The following NPHP4 variants were observed in gnomAD, a reference collection of about 807,000 sequenced individuals.
The protein encoded by NPHP4 is nephrocystin 4.
NPHP4 carries 151 observed loss-of-function variants against 155.8 expected under a neutral mutation model. The ratio of observed to expected loss-of-function variants is 0.97; its 90% CI spans 0.85 to 1.11. NPHP4 has a LOEUF of 1.11. Ranked by LOEUF, NPHP4 falls within the 50% of genes least tolerant of loss-of-function variation. The pLI is 0.00. For synonymous variants in NPHP4, 845 were observed against 816.8 expected, an observed-to-expected ratio of 1.03 and a Z score of -0.59; for missense variants, 1,956 against 1,925.7, an observed-to-expected ratio of 1.02 and a Z score of -0.29.
chr1:5,874,641 G>A lies in NPHP4; in HGVS notation c.3061C>T (p.Gln1021Ter). 6.2e-7 allele frequency: 1 copy of A among 1,611,864 alleles called. No individual in the cohort carries two copies. The highest frequency in any genetic ancestry group is 8.5e-7 in the Non-Finnish European group (1 of 1,179,540). Reference protein sequence around the residue: ...NPELSVIVDSQEWRDFKGAAG... With the variant: ...NPELSVIVDS ...GCACCCTTGAAGTCCCTCCACTCCT[G>A]ACTGTCCACGATGACGCTGGGGGAG... Residue 1021 changes from glutamine to a stop codon, truncating the protein, a stop_gained, in exon 22 of 30, where the codon CAG becomes TAG. Transcript: ENST00000378156. LOFTEE classifies it high-confidence loss of function.
chr1:5,971,173 C>T (rs900619023), intron 3 of NPHP4, among the ~76,000 whole-genome samples: 7 of 152,220 alleles, frequency 4.6e-5, no homozygotes, highest in African/African-American at 1.7e-4. Context: ...TGGAACCTGC[C>T]GCTACGGGCA....
At chr1:5,876,482 C>T (rs1642620866) in intron 20 of NPHP4, 1 of 152,356 alleles carries the variant, frequency 6.6e-6, no homozygotes, top group South Asian at 2.1e-4. Context: ...AGCACCAACG[C>T]CTTGCTGGCA....
rs1641390457 is a variant in NPHP4 at position 5,867,699 on chromosome 1, A to T, written c.3472+41T>A. The T allele has an allele frequency of 6.3e-7, 1 of 1,598,482 alleles. No individual in the cohort carries two copies. Among genetic ancestry groups the T allele is most frequent in the African/African-American group, 1.3e-5 (1 of 74,810 alleles). On this transcript the variant is annotated intron_variant, in intron 24 of 29. Coordinates refer to ENST00000378156, the MANE Select transcript of NPHP4 (RefSeq NM_015102.5). The surrounding 1 kb of genome is among the most constrained non-coding windows in gnomAD (Gnocchi z 4.1). ...AAGAGGTATCTACTTCCAACAGGTG[A>T]GCCTGCAACATGTGGGCTGCAGGGT... is the stretch of plus-strand genomic sequence containing the variant.
intron 16 of NPHP4, among the ~76,000 whole-genome samples, chr1:5,897,937 T>C (rs1448380495): frequency 1.3e-5 from 2 of 152,236 alleles, no homozygotes; most frequent in Non-Finnish European, 2.9e-5. Flanking sequence ...TTCCAAAACA[T>C]GGCACGGTTT....
intron 3 of NPHP4, among the ~76,000 whole-genome samples, chr1:5,976,453 G>A (rs942704294): frequency 6.6e-6 from 1 of 152,186 alleles, no homozygotes. Flanking sequence ...AAGCTAAACA[G>A]CTCTATCCCC....
chr1:5,909,783 A>G (rs1330890389), intron 11 of NPHP4, among the ~76,000 whole-genome samples: 1 of 152,132 alleles, frequency 6.6e-6, no homozygotes, highest in East Asian at 1.9e-4. Context: ...GTCCCCCTGG[A>G]GCCAGGGACT....
rs775418939 is a variant in NPHP4 at position 5,864,417 on chromosome 1, T to C, written c.3917A>G (p.Asn1306Ser). 3.7e-6 allele frequency: 6 copies of C among 1,611,674 alleles called. No homozygotes were observed. Among genetic ancestry groups the C allele is most frequent in the Non-Finnish European group, 5.1e-6 (6 of 1,179,202 alleles). ...LRAGSRFVHLNLVDVDCHQLV... is the reference protein window; with the variant it reads ...LRAGSRFVHLSLVDVDCHQLV... ...CTGGTGGCAATCCACGTCCACCAGG[T>C]TGAGATGGACAAAGCGGCTGCCGGC... The change falls in exon 28 of 30, where the codon AAC (asparagine) becomes AGC (serine). Residue 1306 changes from asparagine (N) to serine (S), a missense_variant. Asn to Ser is a conservative substitution (Grantham distance 46). Transcript: ENST00000378156.
At chr1:5,868,701 C>T (rs553971252) in intron 23 of NPHP4, among the ~76,000 whole-genome samples, 10 of 144,130 alleles carry the variant, frequency 6.9e-5, no homozygotes, top group Non-Finnish European at 9.3e-5. Context: ...TATACATGCA[C>T]GCATGCCCCA....
At position 5,968,488 on chromosome 1, in the gene NPHP4, G is replaced by A. The variant is rs1468362047; in HGVS notation, c.452+599C>T. The stretch of plus-strand genomic sequence containing the variant: ...ATGGTGGCACAGACCTGTAATCCCA[G>A]CTACGTGGGAGGATGACACACAGGA... On this transcript the variant is annotated intron_variant, in intron 4 of 29. Transcript: ENST00000378156. Among the ~76,000 whole-genome samples the A allele has an allele frequency of 2.6e-5, 4 of 152,078 alleles. No homozygotes were observed. In the East Asian group the frequency reaches 7.8e-4, roughly 30 times the overall value.
At chr1:5,972,085 G>A (rs991420741) in intron 3 of NPHP4, among the ~76,000 whole-genome samples, 4 of 152,282 alleles carry the variant, frequency 2.6e-5, no homozygotes, top group African/African-American at 9.6e-5. Flanking sequence ...AGAGGCCGCA[G>A]CCGGGCACCC....
chr1:5,981,373 T>C (rs1654665160), intron 2 of NPHP4, among the ~76,000 whole-genome samples: 2 of 152,336 alleles, frequency 1.3e-5, no homozygotes, highest in South Asian at 4.1e-4. Context: ...CTCTGTGTCA[T>C]CTGCACGGTT....
intron 9 of NPHP4, among the ~76,000 whole-genome samples, chr1:5,946,838 G>A (rs1167329939): frequency 6.6e-6 from 1 of 152,264 alleles, no homozygotes; most frequent in Non-Finnish European, 1.5e-5. Flanking sequence ...CTGGACAGCT[G>A]AACCCATGGA....
In NPHP4 at chr1:5,904,505, T is replaced by C. The variant is rs1644819849; in HGVS notation, c.2143+112A>G. The C allele has an allele frequency of 1.3e-5, 10 of 787,554 alleles. No individual in the cohort carries two copies. The South Asian group carries it at 1.6e-4, about 13-fold the overall frequency. 48.8% of individuals were successfully genotyped at this position (787,554 alleles called of 1,614,324 possible). On this transcript the variant is annotated intron_variant, in intron 16 of 29. Coordinates refer to ENST00000378156, the MANE Select transcript of NPHP4 (RefSeq NM_015102.5). ...TGCACTGGTCACCGTATGATTCTAA[T>C]GTTGCATATGTTTTAAACTTTTCAT...
intron 18 of NPHP4, among the ~76,000 whole-genome samples, chr1:5,884,854 G>A (rs1375587107): frequency 2.1e-5 from 3 of 143,266 alleles, no homozygotes; most frequent in Non-Finnish European, 4.5e-5. Context: ...CACTGCCCAA[G>A]CTCCCAGCCG....
intron 10 of NPHP4, among the ~76,000 whole-genome samples, chr1:5,931,616 C>A (rs1646277178): frequency 6.6e-6 from 1 of 151,422 alleles, no homozygotes; most frequent in Non-Finnish European, 1.5e-5. Flanking sequence ...CACCTATAAT[C>A]CCAGCTACTT....
intron 17 of NPHP4, among the ~76,000 whole-genome samples, chr1:5,887,757 T>C (rs1424759714): frequency 6.6e-6 from 1 of 152,144 alleles, no homozygotes; most frequent in African/African-American, 2.4e-5. Flanking sequence ...AAGGCATAAG[T>C]GGGTCTGGCA....
intron 7 of NPHP4, among the ~76,000 whole-genome samples, chr1:5,950,737 G>A (rs895863455): frequency 2.0e-5 from 3 of 152,120 alleles, no homozygotes; most frequent in Non-Finnish European, 2.9e-5. Context: ...AGCCCCCAGC[G>A]GACCAGCCAA....
At chr1:5,938,662 T>C (rs1014733384) in intron 9 of NPHP4, among the ~76,000 whole-genome samples, 27 of 152,248 alleles carry the variant, frequency 1.8e-4, no homozygotes, top group African/African-American at 5.5e-4. Context: ...CCTTTTCCCA[T>C]TTAGAAAAAC....
intron 11 of NPHP4, among the ~76,000 whole-genome samples, chr1:5,916,555 C>T (rs887216188): frequency 4.6e-5 from 7 of 152,228 alleles, no homozygotes; most frequent in African/African-American, 1.7e-4. Flanking sequence ...GGTCCCCAAA[C>T]AGTGACTGAG....
Sources: allele counts gnomAD v4.1 joint callset (sites outside exome capture counted in the v4.1 genomes callset), GRCh38; gene constraint gnomAD v4.1.1; non-coding constraint Gnocchi (gnomAD v3.1); transcripts MANE v1.5; gene names NCBI Gene and HGNC (gene_info 2026-07-23, HGNC 2026-07-21).